The following LRRTM4 variants were observed in gnomAD, a reference collection of about 807,000 sequenced individuals.
The protein encoded by LRRTM4 is leucine rich repeat transmembrane neuronal 4.
In LRRTM4, 25 loss-of-function variants were observed where a neutral mutation model predicts 47.6. The ratio of observed to expected loss-of-function variants is 0.53; its 90% CI spans 0.38 to 0.73. The LOEUF is 0.73. Ranked by LOEUF, LRRTM4 falls within the 30% of genes least tolerant of loss-of-function variation. The pLI is 0.00. For missense variants in LRRTM4, 638 were observed against 713.4 expected (o/e 0.89, Z 1.20); for synonymous variants, 311 against 269.5 (o/e 1.15, Z -1.51).
chr2:77,050,932 C>G (rs1189027721), intron 3 of LRRTM4, among the ~76,000 whole-genome samples: 1 of 151,970 alleles, frequency 6.6e-6, no homozygotes, highest in Non-Finnish European at 1.5e-5. Flanking sequence ...TCTAAGTAAT[C>G]ATGACAATGT....
At chr2:77,104,168 T>C (rs369435288) in intron 3 of LRRTM4, among the ~76,000 whole-genome samples, 53 of 152,328 alleles carry the variant, frequency 3.5e-4, no homozygotes, top group African/African-American at 1.1e-3. Flanking sequence ...TCTTCAATCC[T>C]ATCAATAATT....
rs536719545 is a variant in LRRTM4 at position 76,780,821 on chromosome 2, G to C, written c.1552-31905C>G. Among the ~76,000 whole-genome samples the C allele has an allele frequency of 8.2e-3, 1,242 of 152,040 alleles. 1 individual carries two copies. Among genetic ancestry groups the C allele is most frequent in the African/African-American group, 0.028 (1,177 of 41,532 alleles). ...TGGTGAGGAACTGCGTTCCTTTGGA[G>C]GAGGAGAGGTGCTCTGCTTTTCAGA... On this transcript the variant is annotated intron_variant, in intron 3 of 3. Coordinates refer to ENST00000409884, the MANE Select transcript of LRRTM4 (RefSeq NM_001134745.3).
intron 3 of LRRTM4, among the ~76,000 whole-genome samples, chr2:76,994,957 C>A (rs913239713): frequency 2.6e-5 from 4 of 151,858 alleles, no homozygotes; most frequent in African/African-American, 9.7e-5. Context: ...TTGCTCAAAC[C>A]CCTTCCTGAC....
chr2:77,299,578 T>A (rs746321617), intron 3 of LRRTM4, among the ~76,000 whole-genome samples: 15 of 152,060 alleles, frequency 9.9e-5, no homozygotes, highest in Non-Finnish European at 1.6e-4. Flanking sequence ...ATTGTTTTCC[T>A]TTTGTATGGT....
At chr2:77,091,024 G>T (rs981142060) in intron 3 of LRRTM4, among the ~76,000 whole-genome samples, 1 of 151,940 alleles carries the variant, frequency 6.6e-6, no homozygotes, top group Non-Finnish European at 1.5e-5. Flanking sequence ...GGGTATTGAC[G>T]GCCAGGCTTC....
At chr2:77,313,086 C>T (rs967847037) in intron 3 of LRRTM4, among the ~76,000 whole-genome samples, 1 of 152,120 alleles carries the variant, frequency 6.6e-6, no homozygotes, top group African/African-American at 2.4e-5. Context: ...AAAATCAAAA[C>T]TTTAAATGCA....
chr2:77,486,786 A>C (rs1677926816), intron 3 of LRRTM4, among the ~76,000 whole-genome samples: 1 of 152,244 alleles, frequency 6.6e-6, no homozygotes, highest in South Asian at 2.1e-4. Flanking sequence ...GAGATAATAC[A>C]CAAAGAGATA....
At chr2:76,788,023 A>G (rs1054231920) in intron 3 of LRRTM4, among the ~76,000 whole-genome samples, 1 of 152,190 alleles carries the variant, frequency 6.6e-6, no homozygotes, top group African/African-American at 2.4e-5. Flanking sequence ...AAAAACAATT[A>G]GAACCTTCTC....
At chr2:76,868,745 T>G (rs1023167515) in intron 3 of LRRTM4, among the ~76,000 whole-genome samples, 1 of 152,094 alleles carries the variant, frequency 6.6e-6, no homozygotes, top group Non-Finnish European at 1.5e-5. Flanking sequence ...AAGAGAAGCA[T>G]CAAAAAACTT....
At chr2:77,002,069 C>G (rs980771495) in intron 3 of LRRTM4, among the ~76,000 whole-genome samples, 2 of 152,152 alleles carry the variant, frequency 1.3e-5, no homozygotes, top group Admixed American at 6.5e-5. Flanking sequence ...ATTTTACTCT[C>G]TTAGAATCAA....
intron 3 of LRRTM4, among the ~76,000 whole-genome samples, chr2:77,488,728 C>T (rs1276287048): frequency 6.6e-6 from 1 of 152,054 alleles, no homozygotes; most frequent in African/African-American, 2.4e-5. Context: ...TTTAATAAAA[C>T]TGATTTAAGT....
chr2:77,480,822 G>GAGAGAGA (rs1222517611), intron 3 of LRRTM4, among the ~76,000 whole-genome samples: 24 of 74,518 alleles, frequency 3.2e-4, no homozygotes, highest in African/African-American at 6.7e-4. Context: ...GTGTGTGTGT[G>GAGAGAGA]GAGAGAGAGA....
At chr2:77,130,040 T>G (rs1359661701) in intron 3 of LRRTM4, among the ~76,000 whole-genome samples, 1 of 152,210 alleles carries the variant, frequency 6.6e-6, no homozygotes, top group Non-Finnish European at 1.5e-5. Flanking sequence ...TGTGACATAC[T>G]AGGCTTAATC....
At chr2:77,249,799 G>A (rs1382123031) in intron 3 of LRRTM4, among the ~76,000 whole-genome samples, 1 of 152,180 alleles carries the variant, frequency 6.6e-6, no homozygotes, top group Non-Finnish European at 1.5e-5. Context: ...ATATGACCTA[G>A]CTAGCAGTCA....
chr2:77,255,043 C>G (rs1414501179), intron 3 of LRRTM4, among the ~76,000 whole-genome samples: 3 of 151,744 alleles, frequency 2.0e-5, no homozygotes, highest in African/African-American at 7.3e-5. Flanking sequence ...CTATGAGAAA[C>G]TCACTTAAAA....
intron 3 of LRRTM4, among the ~76,000 whole-genome samples, chr2:76,793,064 C>A (rs140750351): frequency 9.6e-4 from 146 of 152,252 alleles, no homozygotes; most frequent in African/African-American, 3.4e-3. Flanking sequence ...AAGGCTTTAG[C>A]AGTATTAAAT....
chr2:76,913,129 AAT>A (rs1171262272), intron 3 of LRRTM4, among the ~76,000 whole-genome samples: 2 of 152,200 alleles, frequency 1.3e-5, no homozygotes, highest in African/African-American at 4.8e-5. Flanking sequence ...ATTCATATTG[AAT>A]ATATCTTTAC....
At chr2:77,492,331 C>G (rs1024122550) in intron 3 of LRRTM4, among the ~76,000 whole-genome samples, 1 of 152,082 alleles carries the variant, frequency 6.6e-6, no homozygotes, top group Non-Finnish European at 1.5e-5. Flanking sequence ...ATGAACATAG[C>G]TGACTGTCAC....
intron 3 of LRRTM4, among the ~76,000 whole-genome samples, chr2:76,928,420 T>C (rs1674659410): frequency 6.6e-6 from 1 of 152,140 alleles, no homozygotes. Flanking sequence ...AATTTTGTGG[T>C]TGCAAGATCA....
Sources: allele counts gnomAD v4.1 joint callset (sites outside exome capture counted in the v4.1 genomes callset), GRCh38; gene constraint gnomAD v4.1.1; transcripts MANE v1.5; gene names NCBI Gene and HGNC (gene_info 2026-07-23, HGNC 2026-07-21).